Variants in TRPC7 observed in about 807,000 individuals in gnomAD.
TRPC7 encodes the protein short transient receptor potential channel 7.
A neutral mutation model predicts 90.1 loss-of-function variants in TRPC7; 42 were observed. The ratio of observed to expected loss-of-function variants is 0.47; its 90% CI spans 0.36 to 0.60. The LOEUF (loss-of-function observed/expected upper bound fraction) is 0.60. TRPC7 is among the 20% of genes least tolerant of loss of function. The probability of loss-of-function intolerance (pLI) is 0.00; values close to 1 mark genes in which losing one functional copy is unlikely to be tolerated. For synonymous variants in TRPC7, 451 were observed against 436.3 expected (o/e 1.03, Z -0.42); for missense variants, 955 against 1,112.3 (o/e 0.86, Z 2.01).
chr5:136,321,218 T>G (rs1244046685), intron 2 of TRPC7, among the ~76,000 whole-genome samples: 1 of 152,144 alleles, frequency 6.6e-6, no homozygotes, highest in Non-Finnish European at 1.5e-5. Flanking sequence ...GCGTGTTTCC[T>G]TCTATTTGGC....
Position 136,360,896 on chromosome 5 carries a change from A to T in TRPC7, c.3-3511T>A, listed in dbSNP as rs1334089662. 3.3e-5 allele frequency among the ~76,000 whole-genome samples: 5 copies of T among 152,240 alleles called. No individual in the cohort carries two copies. In the East Asian group the frequency reaches 9.6e-4, roughly 29 times the overall value. Reference sequence around the variant, plus strand: ...CTCTTACCCTAATATCCCTCTAATGATACTTTTTAGACATTTATGCACTTG... The same window carrying T: ...CTCTTACCCTAATATCCCTCTAATGTTACTTTTTAGACATTTATGCACTTG... On this transcript the variant is annotated intron_variant, in intron 1 of 11. Coordinates refer to ENST00000513104, the MANE Select transcript of TRPC7 (RefSeq NM_020389.3).
At chr5:136,300,266 G>C (rs1376129705) in intron 3 of TRPC7, among the ~76,000 whole-genome samples, 1 of 152,200 alleles carries the variant, frequency 6.6e-6, no homozygotes, top group Non-Finnish European at 1.5e-5. Context: ...AGGCAAAGAG[G>C]AGCATCAGAC....
intron 3 of TRPC7, among the ~76,000 whole-genome samples, chr5:136,282,264 A>C (rs894980568): frequency 2.0e-5 from 3 of 152,178 alleles, no homozygotes; most frequent in African/African-American, 7.2e-5. Context: ...TCATATTATC[A>C]AATAAAATAT....
chr5:136,284,826 A>G (rs1183370983), intron 3 of TRPC7, among the ~76,000 whole-genome samples: 1 of 152,158 alleles, frequency 6.6e-6, no homozygotes, highest in Non-Finnish European at 1.5e-5. Flanking sequence ...TGCTGAGGAG[A>G]AGGAGCTGCA....
intron 2 of TRPC7, among the ~76,000 whole-genome samples, chr5:136,332,640 T>A (rs1034623249): frequency 6.6e-6 from 1 of 152,120 alleles, no homozygotes; most frequent in South Asian, 2.1e-4. Context: ...AGAGGATTTA[T>A]TGATGAATGC....
intron 2 of TRPC7, among the ~76,000 whole-genome samples, chr5:136,338,702 A>G (rs977449485): frequency 2.6e-5 from 4 of 152,244 alleles, no homozygotes; most frequent in Non-Finnish European, 4.4e-5. Flanking sequence ...TTGCATCTGA[A>G]TGATGGAGAT....
chr5:136,348,256 T>C (rs1760073572), intron 2 of TRPC7, among the ~76,000 whole-genome samples: 1 of 152,248 alleles, frequency 6.6e-6, no homozygotes. Context: ...CTCTTTAGCA[T>C]CCATGTCACC....
chr5:136,289,678 A>G (rs1050794653), intron 3 of TRPC7, among the ~76,000 whole-genome samples: 1 of 152,208 alleles, frequency 6.6e-6, no homozygotes, highest in Non-Finnish European at 1.5e-5. Flanking sequence ...ACCATAGCTC[A>G]AGGAGGCCTG....
intron 3 of TRPC7, among the ~76,000 whole-genome samples, chr5:136,290,210 C>T (rs907899504): frequency 6.6e-5 from 10 of 152,156 alleles, no homozygotes; most frequent in African/African-American, 9.7e-5. Context: ...AGCAGAAAAA[C>T]TGGAAACTCT....
At chr5:136,244,654 G>A (rs910209016) in intron 7 of TRPC7, among the ~76,000 whole-genome samples, 5 of 152,320 alleles carry the variant, frequency 3.3e-5, no homozygotes, top group South Asian at 2.1e-4. Flanking sequence ...AAGAGCCTTC[G>A]TTTATCGGCT....
intron 1 of TRPC7, among the ~76,000 whole-genome samples, chr5:136,364,856 T>C (rs1760673233): frequency 6.6e-6 from 1 of 152,180 alleles, no homozygotes. Context: ...CTTATTAGAA[T>C]ATAACCCTCT....
At chr5:136,354,975 G>A (rs1027544153) in intron 2 of TRPC7, among the ~76,000 whole-genome samples, 4 of 152,194 alleles carry the variant, frequency 2.6e-5, no homozygotes, top group African/African-American at 9.6e-5. Flanking sequence ...TGTCCCAGGA[G>A]AGCCTTCCTT....
At chr5:136,345,912 A>G (rs1759990771) in intron 2 of TRPC7, among the ~76,000 whole-genome samples, 1 of 152,162 alleles carries the variant, frequency 6.6e-6, no homozygotes, top group Admixed American at 6.5e-5. Flanking sequence ...TCAGCTTTCT[A>G]CATATGGCTA....
intron 2 of TRPC7, among the ~76,000 whole-genome samples, chr5:136,351,850 A>G (rs1306131603): frequency 6.6e-6 from 1 of 152,238 alleles, no homozygotes; most frequent in African/African-American, 2.4e-5. Flanking sequence ...GATAGCACAA[A>G]CATTAATACA....
At chr5:136,323,288 C>A (rs1759253044) in intron 2 of TRPC7, among the ~76,000 whole-genome samples, 1 of 152,124 alleles carries the variant, frequency 6.6e-6, no homozygotes, top group South Asian at 2.1e-4. Context: ...TCTTTTTTTT[C>A]ATAAATTGCC....
intron 3 of TRPC7, among the ~76,000 whole-genome samples, chr5:136,299,323 T>A (rs10213769): frequency 0.1 from 14,330 of 138,730 alleles, 1,009 homozygotes; most frequent in African/African-American, 0.13. Flanking sequence ...AAGAAATTTC[T>A]CTGACTGGGG....
In TRPC7 at chr5:136,213,496, T is replaced by G; in HGVS notation, c.2528A>C (p.Glu843Ala). ...TTTGTTTAAGTTCTTTCCAAACTTC[T>G]CGCTGAGTTGTTGAATCAGGTCTGC... ...ELADLIQQLS[E>A]KFGKNLNKDH... The change falls in exon 12 of 12, where the codon GAG becomes GCG. Residue 843 changes from glutamate to alanine, a missense_variant. Glu to Ala is a moderately radical substitution (Grantham distance 107). This residue lies in a region of TRPC7 where 296 missense variants were observed against 422.7 expected (regional missense o/e 0.70). Transcript: ENST00000513104. 1 of 1,614,044 alleles carries G rather than the reference T, an allele frequency of 6.2e-7. No homozygotes were observed. Among genetic ancestry groups the G allele is most frequent in the Non-Finnish European group, 8.5e-7 (1 of 1,179,890 alleles).
intron 7 of TRPC7, among the ~76,000 whole-genome samples, chr5:136,237,978 T>C (rs1756041309): frequency 6.6e-6 from 1 of 151,970 alleles, no homozygotes; most frequent in South Asian, 2.1e-4. Flanking sequence ...AGGCCCTGGG[T>C]AGTCTGGTTC....
chr5:136,244,910 C>T (rs1756288264), intron 7 of TRPC7, among the ~76,000 whole-genome samples: 1 of 152,182 alleles, frequency 6.6e-6, no homozygotes, highest in Non-Finnish European at 1.5e-5. Flanking sequence ...TAGACCAATT[C>T]AGTACTCAGG....
Sources: allele counts gnomAD v4.1 joint callset (sites outside exome capture counted in the v4.1 genomes callset), GRCh38; gene constraint gnomAD v4.1.1; regional missense constraint gnomAD v4.1.1; transcripts MANE v1.5; gene names NCBI Gene and HGNC (gene_info 2026-07-23, HGNC 2026-07-21).